RGL2: variants seen among roughly 807,000 people sequenced by gnomAD.
RGL2 encodes the protein ral guanine nucleotide dissociation stimulator-like 2.
Under a neutral mutation model 84.6 loss-of-function variants are expected in RGL2, and 40 were observed. That is an observed-to-expected ratio of 0.47 (90% CI 0.37 to 0.62). The LOEUF is 0.62. RGL2 is among the 20% of genes least tolerant of loss of function. RGL2 has a pLI of 0.00. For missense variants in RGL2, 865 were observed against 1,019.7 expected (o/e 0.85, Z 2.07); for synonymous variants, 369 against 417.3 (o/e 0.88, Z 1.41).
Position 33,292,228 on chromosome 6 carries a change from G to T in RGL2, c.2208C>A (p.Ser736=), listed in dbSNP as rs1226610181. 1 of 1,614,096 alleles carries T rather than the reference G, an allele frequency of 6.2e-7. No homozygotes were observed. The highest frequency in any genetic ancestry group is 8.5e-7 in the Non-Finnish European group (1 of 1,180,040). ...TGGTGACGCCAGGTGTAGCAGTAGA[G>T]GACCTTCGCCGCTGCCGCAGGAGGA... The part of the protein sequence containing the change: ...HDFLLRQRRR[S]STATPGVTSG... Residue 736 remains serine, a synonymous_variant, in exon 18 of 18, where the codon TCC becomes TCA. Coordinates refer to ENST00000497454, the MANE Select transcript of RGL2 (RefSeq NM_004761.5).
Position 33,296,212 on chromosome 6 carries a change from GC to G in RGL2, c.583del (p.Ala195GlnfsTer57). 1 of 1,613,972 alleles carries G rather than the reference GC, an allele frequency of 6.2e-7. No homozygotes were observed. The highest frequency in any genetic ancestry group is 8.5e-7 in the Non-Finnish European group (1 of 1,179,894). ...GCCCCCCCCAACACCCTTCCCTGCT[GC>G]ATACCCTGTCTGAAGTAAGAAGCTC... ...LESFLLQTGY[A>X]AGKGVGGGSA... On this transcript the variant is annotated frameshift_variant, in exon 6 of 18. Transcript: ENST00000497454. LOFTEE classifies it high-confidence loss of function. This position sits in a 1 kb window ranked among gnomAD's most constrained non-coding sequence, Gnocchi z 5.0.
rs1207822564 is a variant in RGL2, at chr6:33,298,574, T to G, written c.37A>C (p.Ser13Arg). 9 of 1,467,150 alleles carry G rather than the reference T, an allele frequency of 6.1e-6. No homozygotes were observed. Among genetic ancestry groups the G allele is most frequent in the Non-Finnish European group, 8.1e-6 (9 of 1,109,328 alleles). 90.9% of individuals were successfully genotyped at this position (1,467,150 alleles called of 1,614,324 possible). The change falls in exon 2 of 18, where the codon AGC becomes CGC. Residue 13 changes from serine to arginine, a missense_variant. Ser to Arg is a moderately radical substitution (Grantham distance 110, BLOSUM62 -1). This residue lies in a region of RGL2 where 23 missense variants were observed against 22.7 expected (regional missense o/e 1.01). Transcript: ENST00000497454. This position sits in a 1 kb window ranked among gnomAD's most constrained non-coding sequence, Gnocchi z 4.8. ...CTCAGTACGACTCCCCCGGGGGGGCTCGTGTCCAAAAGCAGCCGCAGGGGC... is the reference window on the plus strand; with the variant it reads ...CTCAGTACGACTCCCCCGGGGGGGCGCGTGTCCAAAAGCAGCCGCAGGGGC... ...PRPLRLLLDT[S>R]PPGGVVLSSF...
rs1768097306 is a variant in RGL2, at chr6:33,297,494, TA to T, written c.157-380del. 1 of 231,138 alleles carries T rather than the reference TA, an allele frequency of 4.3e-6. No homozygotes were observed. The highest frequency in any genetic ancestry group is 2.3e-5 in the African/African-American group (1 of 44,000). The allele number at this position is 231,138 out of a possible 1,614,324, so 14.3% of individuals were successfully genotyped here. A position where few individuals can be genotyped will look rare whatever the true frequency, so the allele number is the denominator to read the frequency against. ...GAGGCAGCAAGCCAGAGGCAGCGAC[TA>T]GGGGTAGCTGAAACCTCAGTCCAGG... is the stretch of plus-strand genomic sequence containing the variant. On this transcript the variant is annotated intron_variant, in intron 2 of 17. Coordinates refer to ENST00000497454, the MANE Select transcript of RGL2 (RefSeq NM_004761.5). The surrounding 1 kb of genome is among the most constrained non-coding windows in gnomAD (Gnocchi z 4.0).
chr6:33,295,550 T>G lies in RGL2; in HGVS notation c.978A>C (p.Pro326=), dbSNP rs1439108580. The G allele has an allele frequency of 1.2e-6, 2 of 1,613,936 alleles. No homozygotes were observed. The highest frequency in any genetic ancestry group is 1.7e-5 in the Admixed American group (1 of 60,020). The change falls in exon 7 of 18, where the codon CCA becomes CCC. Residue 326 remains proline (P), a synonymous_variant. Transcript: ENST00000497454. This position sits in a 1 kb window ranked among gnomAD's most constrained non-coding sequence, Gnocchi z 7.2. ...ACTTCTCCAGGAGCCGGGCCCTCTG[T>G]GGGGGACGGAGTGGCCGTATGGTCA... ...GEVTIRPLRP[P]QRARLLEKWI...
In RGL2 at chr6:33,293,950, A is replaced by G. The variant is rs1191786208; in HGVS notation, c.1387-34T>C. ...GAGCCCTCAAACTGCAGGAGCCAAA[A>G]CTCAGGGACCCCTGACTTTTCCCCC... On this transcript the variant is annotated intron_variant, in intron 12 of 17. Transcript: ENST00000497454. The surrounding 1 kb of genome is among the most constrained non-coding windows in gnomAD (Gnocchi z 7.0). The G allele has an allele frequency of 3.7e-6, 6 of 1,613,778 alleles. No individual in the cohort carries two copies. Among genetic ancestry groups the G allele is most frequent in the Non-Finnish European group, 4.2e-6 (5 of 1,179,968 alleles).
rs1316346013 is a variant in RGL2, at chr6:33,293,159, A to C, written c.1864T>G (p.Ser622Ala). The C allele has an allele frequency of 6.2e-7, 1 of 1,609,060 alleles. No homozygotes were observed. ...TCTTCTGCACCCCCACTCAGCGGGG[A>C]GCCACAGGAGGCTGAGCGGCGGTGA... ...RGHRRSASCGSPLSGGAEEAS... is the reference protein window; with the variant it reads ...RGHRRSASCGAPLSGGAEEAS... Residue 622 changes from serine to alanine, a missense_variant, in exon 16 of 18, where the codon TCC (serine) becomes GCC (alanine). Physicochemically the swap from Ser to Ala is moderately conservative, Grantham distance 99 (BLOSUM62 1). Around this residue, in one of 5 missense-constraint regions of RGL2, gnomAD observed 302 missense variants for 327.9 expected, o/e 0.92. Transcript: ENST00000497454. The surrounding 1 kb of genome is among the most constrained non-coding windows in gnomAD (Gnocchi z 7.0).
rs1767747644 is a variant in RGL2 at position 33,294,570 on chromosome 6, C to T, written c.1353+118G>A. The T allele has an allele frequency of 9.5e-7, 1 of 1,056,606 alleles. No individual in the cohort carries two copies. Among genetic ancestry groups the T allele is most frequent in the Non-Finnish European group, 1.4e-6 (1 of 716,460 alleles). The allele number at this position is 1,056,606 out of a possible 1,614,324, so 65.5% of individuals were successfully genotyped here. A position where few individuals can be genotyped will look rare whatever the true frequency, so the allele number is the denominator to read the frequency against. The stretch of plus-strand genomic sequence containing the variant: ...CGACTTGGCACAGAAACAGATCTGG[C>T]TCTGTCCCACACTCAGCTATTTGTG... On this transcript the variant is annotated intron_variant, in intron 11 of 17. Transcript: ENST00000497454. This position sits in a 1 kb window ranked among gnomAD's most constrained non-coding sequence, Gnocchi z 5.0.
Position 33,296,922 on chromosome 6 carries a change from G to C in RGL2, c.240+110C>G. 6.8e-7 allele frequency: 1 copy of C among 1,478,516 alleles called. No homozygotes were observed. 91.6% of individuals were successfully genotyped at this position (1,478,516 alleles called of 1,614,324 possible). On this transcript the variant is annotated intron_variant, in intron 3 of 17. Coordinates refer to ENST00000497454, the MANE Select transcript of RGL2 (RefSeq NM_004761.5). The surrounding 1 kb of genome is among the most constrained non-coding windows in gnomAD (Gnocchi z 5.0). ...GAGTCTTGGCCTATGTCACACAGCA[G>C]AGTCCAGGACTCCAGAACTCCAACC...
At chr6:33,292,368 C>T (rs1180518914) in intron 17 of RGL2, 55 bp from the exon 18 acceptor site, 8 of 1,605,172 alleles carry the variant, frequency 5.0e-6, no homozygotes, top group African/African-American at 1.3e-5. Flanking sequence ...CCCCCACAGC[C>T]GCCCAGATGT....
rs1767657870 is a variant in RGL2, at chr6:33,293,677, C to T, written c.1531G>A (p.Glu511Lys). The T allele has an allele frequency of 5.0e-6, 8 of 1,614,032 alleles. 1 individual carries two copies. The Admixed American group carries it at 1.3e-4, about 27-fold the overall frequency. The change falls in exon 14 of 18, where the codon GAG becomes AAG. Residue 511 changes from glutamate to lysine, a missense_variant. Glu to Lys is a moderately conservative substitution (Grantham distance 56). Coordinates refer to ENST00000497454, the MANE Select transcript of RGL2 (RefSeq NM_004761.5). This position sits in a 1 kb window ranked among gnomAD's most constrained non-coding sequence, Gnocchi z 7.0. ...AQSHRVSCEV[E>K]PPGSSDPPAP... is the part of the protein sequence containing the mutation. ...GGAGGGTCACTGGAACCAGGTGGCT[C>T]CACCTCACAGGATACACGATGGCTG...
rs1768208206 is a variant in RGL2 at position 33,298,299 on chromosome 6, C to A, written c.156+156G>T. 1.8e-6 allele frequency: 1 copy of A among 563,418 alleles called. No individual in the cohort carries two copies. 34.9% of individuals were successfully genotyped at this position (563,418 alleles called of 1,614,324 possible). On this transcript the variant is annotated intron_variant, in intron 2 of 17. Transcript: ENST00000497454. This position sits in a 1 kb window ranked among gnomAD's most constrained non-coding sequence, Gnocchi z 4.8. ...TCACACTGACAGAGAACCACGGAGA[C>A]GCCAGGACTCCCCGCAGCAGAGAAA...
rs1453761169 is a variant in RGL2, at chr6:33,292,518, A to G, written c.2034T>C (p.Ser678=). The change falls in exon 17 of 18, where the codon AGT becomes AGC. Residue 678 remains serine (S), a synonymous_variant. Transcript: ENST00000497454. Reference sequence around the variant, plus strand: ...TTTTCTTAAGGACACGACTGATGACACTTGGAGCCTTGTCCTGGCTTGTCA... The same window carrying G: ...TTTTCTTAAGGACACGACTGATGACGCTTGGAGCCTTGTCCTGGCTTGTCA... ...ILVTSQDKAP[S]VISRVLKKNN... is the part of the protein sequence containing the mutation. The G allele has an allele frequency of 1.2e-6, 2 of 1,614,152 alleles. No individual in the cohort carries two copies. The highest frequency in any genetic ancestry group is 2.2e-5 in the East Asian group (1 of 44,884).
chr6:33,294,816 A>G lies in RGL2; in HGVS notation c.1279-54T>C. 1 of 1,577,016 alleles carries G rather than the reference A, an allele frequency of 6.3e-7. No individual in the cohort carries two copies. The highest frequency in any genetic ancestry group is 8.7e-7 in the Non-Finnish European group (1 of 1,151,512). On this transcript the variant is annotated intron_variant, in intron 10 of 17. Coordinates refer to ENST00000497454, the MANE Select transcript of RGL2 (RefSeq NM_004761.5). This position sits in a 1 kb window ranked among gnomAD's most constrained non-coding sequence, Gnocchi z 5.0. Reference sequence around the variant, plus strand: ...CCTGCCATTGACGTGAGGGCCCTCCATCCCTCCGCACTTGCCCTCCTCATT... The same window carrying G: ...CCTGCCATTGACGTGAGGGCCCTCCGTCCCTCCGCACTTGCCCTCCTCATT...
rs1768174667 is a variant in RGL2 at position 33,298,035 on chromosome 6, G to A, written c.156+420C>T. On this transcript the variant is annotated intron_variant, in intron 2 of 17. Coordinates refer to ENST00000497454, the MANE Select transcript of RGL2 (RefSeq NM_004761.5). This position sits in a 1 kb window ranked among gnomAD's most constrained non-coding sequence, Gnocchi z 4.8. Reference sequence around the variant, plus strand: ...GGAAGGGGGAGAGAGGGAAGGAGGGGTCACGAAATCTGAGGGTTCCCTCCC... The same window carrying A: ...GGAAGGGGGAGAGAGGGAAGGAGGGATCACGAAATCTGAGGGTTCCCTCCC... The A allele has an allele frequency of 1.3e-5, 2 of 156,064 alleles. No homozygotes were observed. Among genetic ancestry groups the A allele is most frequent in the African/African-American group, 4.8e-5 (2 of 41,656 alleles). The allele number at this position is 156,064 out of a possible 1,614,324, so 9.7% of individuals were successfully genotyped here. A position where few individuals can be genotyped will look rare whatever the true frequency, so the allele number is the denominator to read the frequency against.
rs1250995977 is a variant in RGL2 at position 33,298,455 on chromosome 6, C to A, written c.156G>T (p.Glu52Asp). The A allele has an allele frequency of 6.7e-7, 1 of 1,482,048 alleles. No homozygotes were observed. The highest frequency in any genetic ancestry group is 9.2e-7 in the Non-Finnish European group (1 of 1,090,366). 91.8% of individuals were successfully genotyped at this position (1,482,048 alleles called of 1,614,324 possible). ...CTACCTCCCACCACCCGCGTCTCAC[C>A]TCTTCTTCTTCCTCCTCCTCTTCCT... ...GQEEEEEEEE[E>D]APVSVWDEEE... Residue 52 changes from glutamate to aspartate, a missense_variant and splice_region_variant, in exon 2 of 18, where the codon GAG (glutamate) becomes GAT (aspartate). Glu to Asp is a conservative substitution (Grantham distance 45, BLOSUM62 2). Around this residue, in one of 5 missense-constraint regions of RGL2, gnomAD observed 455 missense variants for 507.8 expected, o/e 0.90. Coordinates refer to ENST00000497454, the MANE Select transcript of RGL2 (RefSeq NM_004761.5). The surrounding 1 kb of genome is among the most constrained non-coding windows in gnomAD (Gnocchi z 4.8).
At position 33,293,830 on chromosome 6, in the gene RGL2, C is replaced by T; in HGVS notation, c.1473G>A (p.Trp491Ter). Reference protein sequence around the residue: ...NLQPDHDIQRWLQGLRPLTEA... With the variant: ...NLQPDHDIQR ...CTGTCAGTGGCCGGAGCCCCTGTAG[C>T]CACCTCTGGATATCATGGTCAGGTT... The change falls in exon 13 of 18, where the codon TGG becomes TGA. Residue 491 changes from tryptophan (W) to a stop codon, truncating the protein, a stop_gained. Coordinates refer to ENST00000497454, the MANE Select transcript of RGL2 (RefSeq NM_004761.5). LOFTEE classifies it high-confidence loss of function. This position sits in a 1 kb window ranked among gnomAD's most constrained non-coding sequence, Gnocchi z 7.0. The T allele has an allele frequency of 1.9e-6, 3 of 1,614,180 alleles. No homozygotes were observed. The highest frequency in any genetic ancestry group is 2.5e-6 in the Non-Finnish European group (3 of 1,180,044).
rs745310154 is a variant in RGL2 at position 33,296,331 on chromosome 6, A to C, written c.471-6T>G. On this transcript the variant is annotated splice_polypyrimidine_tract_variant and splice_region_variant and intron_variant, in intron 5 of 17. Transcript: ENST00000497454. The surrounding 1 kb of genome is among the most constrained non-coding windows in gnomAD (Gnocchi z 5.0). ...ACAGTACAGAGATGGCTACCCTGGG[A>C]GAAGGGAATCAGCCAAGGGTGAGAG... is the stretch of plus-strand genomic sequence containing the variant. 3 of 1,609,160 alleles carry C rather than the reference A, an allele frequency of 1.9e-6. No individual in the cohort carries two copies. The South Asian group carries it at 3.3e-5, about 18-fold the overall frequency.
intron 16 of RGL2, 129 bp from the exon 17 acceptor site, chr6:33,292,673 T>C: frequency 5.0e-6 from 4 of 798,076 alleles, no homozygotes; most frequent in Admixed American, 2.2e-5. Context: ...GAAAACCCAA[T>C]ATGGTGGCTT....
rs766579863 is a variant in RGL2 at position 33,295,635 on chromosome 6, G to A, written c.893C>T (p.Ala298Val). ...CAGGACAGAACTAACCACTGCCCCTGCCACCTTGTTAAACTGTGTGACAGT... is the reference window on the plus strand; with the variant it reads ...CAGGACAGAACTAACCACTGCCCCTACCACCTTGTTAAACTGTGTGACAGT... ...RATVTQFNKV[A>V]GAVVSSVLGA... The change falls in exon 7 of 18, where the codon GCA (alanine) becomes GTA (valine). Residue 298 changes from alanine to valine, a missense_variant. Around this residue, in one of 5 missense-constraint regions of RGL2, gnomAD observed 455 missense variants for 507.8 expected, o/e 0.90. Coordinates refer to ENST00000497454, the MANE Select transcript of RGL2 (RefSeq NM_004761.5). The surrounding 1 kb of genome is among the most constrained non-coding windows in gnomAD (Gnocchi z 7.2). 5.0e-6 allele frequency: 8 copies of A among 1,613,866 alleles called. No individual in the cohort carries two copies. The highest frequency in any genetic ancestry group is 1.1e-5 in the South Asian group (1 of 91,090).
Sources: allele counts gnomAD v4.1 joint callset, GRCh38; gene constraint gnomAD v4.1.1; regional missense constraint gnomAD v4.1.1; non-coding constraint Gnocchi (gnomAD v3.1); transcripts MANE v1.5; gene names NCBI Gene and HGNC (gene_info 2026-07-23, HGNC 2026-07-21).